The following THSD7B variants were observed in gnomAD, a reference collection of about 807,000 sequenced individuals.
THSD7B encodes thrombospondin type 1 domain containing 7B.
A neutral mutation model predicts 213.6 loss-of-function variants in THSD7B; 138 were observed. The observed-to-expected ratio is 0.65, with a 90% CI of 0.56 to 0.74. The LOEUF is 0.74. Ranked by LOEUF, THSD7B falls within the 30% of genes least tolerant of loss-of-function variation. The pLI is 0.00. For synonymous variants in THSD7B, 742 were observed against 687.0 expected, an observed-to-expected ratio of 1.08 and a Z score of -1.25; for missense variants, 1,931 against 1,991.5, an observed-to-expected ratio of 0.97 and a Z score of 0.58.
intron 15 of THSD7B, among the ~76,000 whole-genome samples, chr2:137,529,604 T>G (rs1680357978): frequency 6.6e-6 from 1 of 151,606 alleles, no homozygotes; most frequent in Non-Finnish European, 1.5e-5. Flanking sequence ...ATCTTTTTTT[T>G]TTTTTTTAAA....
At chr2:137,047,662 A>G (rs970416868) in intron 2 of THSD7B, among the ~76,000 whole-genome samples, 6 of 152,192 alleles carry the variant, frequency 3.9e-5, no homozygotes, top group African/African-American at 1.4e-4. Context: ...GGCTGGCATC[A>G]TCTCAACAAT....
chr2:137,288,425 T>A (rs1683235652), intron 12 of THSD7B, among the ~76,000 whole-genome samples: 1 of 152,114 alleles, frequency 6.6e-6, no homozygotes, highest in Non-Finnish European at 1.5e-5. Context: ...ACCTGCCACT[T>A]AGCAGGATAT....
chr2:137,190,875 C>T (rs1680644050), intron 7 of THSD7B, among the ~76,000 whole-genome samples: 1 of 152,224 alleles, frequency 6.6e-6, no homozygotes, highest in African/African-American at 2.4e-5. Context: ...TAGGAGAAGG[C>T]TGCCCACTGA....
chr2:136,893,622 T>A (rs1322678312), intron 2 of THSD7B, among the ~76,000 whole-genome samples: 1 of 152,192 alleles, frequency 6.6e-6, no homozygotes, highest in Non-Finnish European at 1.5e-5. Context: ...ACCTTTATGG[T>A]CATGACCTTA....
intron 2 of THSD7B, among the ~76,000 whole-genome samples, chr2:137,029,253 A>G (rs974034208): frequency 4.0e-5 from 6 of 151,724 alleles, no homozygotes; most frequent in Non-Finnish European, 7.4e-5. Context: ...CAATTTTTGT[A>G]TTTTTAGTAG....
intron 1 of THSD7B, among the ~76,000 whole-genome samples, chr2:136,801,521 G>A (rs547360362): frequency 1.1e-4 from 17 of 152,136 alleles, no homozygotes; most frequent in African/African-American, 4.1e-4. Flanking sequence ...GCTTATTTTG[G>A]CCTCAGTCCG....
chr2:136,939,647 T>C (rs958668917), intron 2 of THSD7B, among the ~76,000 whole-genome samples: 6 of 152,202 alleles, frequency 3.9e-5, no homozygotes, highest in African/African-American at 1.4e-4. Context: ...CCAATGGCAG[T>C]AGATTTTGCT....
At chr2:137,453,126 T>C (rs1687685081) in intron 15 of THSD7B, among the ~76,000 whole-genome samples, 2 of 152,048 alleles carry the variant, frequency 1.3e-5, no homozygotes, top group African/African-American at 2.4e-5. Context: ...ATATCAAGTA[T>C]GTATGTGGCT....
chr2:137,587,312 G>T lies in THSD7B; in HGVS notation c.3423+14756G>T, dbSNP rs544231130. Among the ~76,000 whole-genome samples the T allele has an allele frequency of 4.6e-5, 7 of 152,054 alleles. No homozygotes were observed. In the East Asian group the frequency reaches 1.4e-3, roughly 30 times the overall value. ...TCCTTTAGCTCGGAGAAGTTTCGTTGTCTGAAGCCTTCTTCTGTCAACTCG... is the reference window on the plus strand; with the variant it reads ...TCCTTTAGCTCGGAGAAGTTTCGTTTTCTGAAGCCTTCTTCTGTCAACTCG... On this transcript the variant is annotated intron_variant, in intron 17 of 27. Transcript: ENST00000409968.
At chr2:136,930,094 C>G (rs897328266) in intron 2 of THSD7B, among the ~76,000 whole-genome samples, 2 of 152,136 alleles carry the variant, frequency 1.3e-5, no homozygotes, top group African/African-American at 4.8e-5. Context: ...GACACAAAAG[C>G]ACATCTCTGC....
At chr2:137,591,825 G>C (rs181812658) in intron 17 of THSD7B, among the ~76,000 whole-genome samples, 4 of 151,882 alleles carry the variant, frequency 2.6e-5, no homozygotes, top group African/African-American at 9.6e-5. Context: ...GCTGATCTTT[G>C]TTTCATACGA....
chr2:137,639,988 A>C (rs1001179813), intron 20 of THSD7B, among the ~76,000 whole-genome samples: 1 of 152,136 alleles, frequency 6.6e-6, no homozygotes, highest in Non-Finnish European at 1.5e-5. Context: ...TGCTGAAATG[A>C]GTTAAGACTT....
At chr2:137,262,986 A>C (rs931588335) in intron 10 of THSD7B, among the ~76,000 whole-genome samples, 13 of 152,160 alleles carry the variant, frequency 8.5e-5, no homozygotes, top group African/African-American at 3.1e-4. Flanking sequence ...GGCAGACTCA[A>C]AGTGGGTCAC....
At chr2:137,017,436 A>G (rs1686362597) in intron 2 of THSD7B, among the ~76,000 whole-genome samples, 1 of 152,136 alleles carries the variant, frequency 6.6e-6, no homozygotes, top group African/African-American at 2.4e-5. Flanking sequence ...CAGGACAAGC[A>G]GAGGAGAAGA....
chr2:137,549,988 T>C (rs1437299497), intron 15 of THSD7B, among the ~76,000 whole-genome samples: 2 of 152,064 alleles, frequency 1.3e-5, no homozygotes, highest in East Asian at 3.9e-4. Context: ...CCACCATGGC[T>C]GGAGTCCCTG....
At chr2:137,032,866 A>G (rs150121911) in intron 2 of THSD7B, among the ~76,000 whole-genome samples, 18 of 152,334 alleles carry the variant, frequency 1.2e-4, no homozygotes, top group African/African-American at 4.1e-4. Flanking sequence ...TAAAATTAAG[A>G]TTATGTGCCA....
In THSD7B at chr2:137,271,387, AT is replaced by A. The variant is rs1558737455; in HGVS notation, c.2267-1144del. Among the ~76,000 whole-genome samples, 63 of 139,204 alleles carry A rather than the reference AT, an allele frequency of 4.5e-4. No homozygotes were observed. The East Asian group carries it at 9.3e-3, about 21-fold the overall frequency. 91.3% of individuals were successfully genotyped at this position (139,204 alleles called of 152,430 possible). A position where few individuals can be genotyped will look rare whatever the true frequency, so the allele number is the denominator to read the frequency against. ...AATGGCTTCATTCATATATATATAT[AT>A]TATGAATTATATATATATGAATTAT... On this transcript the variant is annotated intron_variant, in intron 10 of 27. Coordinates refer to ENST00000409968, the MANE Select transcript of THSD7B (RefSeq NM_001316349.2).
intron 12 of THSD7B, among the ~76,000 whole-genome samples, chr2:137,351,962 AT>A (rs554146479): frequency 2.4e-4 from 36 of 151,526 alleles, no homozygotes; most frequent in Non-Finnish European, 4.9e-4. Flanking sequence ...TTTTTTTGCA[AT>A]TTTTTTTAGC....
At chr2:137,352,408 A>C (rs934686404) in intron 12 of THSD7B, among the ~76,000 whole-genome samples, 1 of 151,958 alleles carries the variant, frequency 6.6e-6, no homozygotes, top group African/African-American at 2.4e-5. Context: ...AAACTTGTTC[A>C]TTTCCCTGCT....
Sources: allele counts gnomAD v4.1 joint callset (sites outside exome capture counted in the v4.1 genomes callset), GRCh38; gene constraint gnomAD v4.1.1; transcripts MANE v1.5; gene names NCBI Gene and HGNC (gene_info 2026-07-23, HGNC 2026-07-21).